SYNPR: variants seen among roughly 807,000 people sequenced by gnomAD.
SYNPR encodes synaptoporin.
SYNPR carries 23 observed loss-of-function variants against 32.9 expected under a neutral mutation model. That is an observed-to-expected ratio of 0.70 (90% confidence interval 0.50 to 0.99). The LOEUF is 0.99. Ranked by LOEUF, SYNPR falls within the 50% of genes least tolerant of loss-of-function variation. The probability of loss-of-function intolerance (pLI) is 0.00; values close to 1 mark genes in which losing one functional copy is unlikely to be tolerated. For synonymous variants in SYNPR, 146 were observed against 135.9 expected, an observed-to-expected ratio of 1.07 and a Z score of -0.52; for missense variants, 318 against 349.3, an observed-to-expected ratio of 0.91 and a Z score of 0.71.
chr3:63,353,669 GT>G (rs1303008186), intron 2 of SYNPR, among the ~76,000 whole-genome samples: 1 of 152,138 alleles, frequency 6.6e-6, no homozygotes, highest in Non-Finnish European at 1.5e-5. Context: ...TAAGCAAACT[GT>G]CCCCTCCACT....
At chr3:63,269,420 C>G (rs1485485552) in intron 3 of SYNPR, among the ~76,000 whole-genome samples, 1 of 151,496 alleles carries the variant, frequency 6.6e-6, no homozygotes, top group Non-Finnish European at 1.5e-5. Flanking sequence ...ACCCAGGAGG[C>G]AGAGGTTTCA....
intron 2 of SYNPR, among the ~76,000 whole-genome samples, chr3:63,265,419 T>G (rs9882174): frequency 0.016 from 2,407 of 152,020 alleles, 55 homozygotes; most frequent in African/African-American, 0.054. Context: ...GCCTAGCTAA[T>G]TTTTGTATTT....
chr3:63,538,755 A>G (rs1317634693), intron 3 of SYNPR, among the ~76,000 whole-genome samples: 5 of 152,242 alleles, frequency 3.3e-5, no homozygotes, highest in South Asian at 2.1e-4. Context: ...CAACCAACCC[A>G]TAAGCATAAG....
At chr3:63,595,768 T>TAA (rs56385024) in intron 4 of SYNPR, among the ~76,000 whole-genome samples, 1 of 37,434 alleles carries the variant, frequency 2.7e-5, no homozygotes. Flanking sequence ...TATATATATA[T>TAA]AATTTTATAT....
intron 2 of SYNPR, among the ~76,000 whole-genome samples, chr3:63,475,389 G>T (rs1474067250): frequency 1.3e-5 from 2 of 152,162 alleles, no homozygotes; most frequent in African/African-American, 4.8e-5. Context: ...GGAGGGTGAG[G>T]TGTCTGCTTT....
At chr3:63,338,460 T>C (rs1252975957) in intron 2 of SYNPR, among the ~76,000 whole-genome samples, 1 of 152,178 alleles carries the variant, frequency 6.6e-6, no homozygotes, top group Non-Finnish European at 1.5e-5. Flanking sequence ...TTGGTAGCAA[T>C]AGAGTTAAGT....
At chr3:63,515,123 C>A (rs1011926689) in intron 3 of SYNPR, among the ~76,000 whole-genome samples, 1 of 152,102 alleles carries the variant, frequency 6.6e-6, no homozygotes, top group Non-Finnish European at 1.5e-5. Context: ...CAGCAGCTTC[C>A]CTTTCTGCAT....
chr3:63,208,905 C>G, the SYNPR span, among the ~76,000 whole-genome samples: 1 of 152,138 alleles, frequency 6.6e-6, no homozygotes, highest in Non-Finnish European at 1.5e-5. Flanking sequence ...CAATGTACTA[C>G]TTCCCTCAAA....
intron 2 of SYNPR, among the ~76,000 whole-genome samples, chr3:63,370,875 T>C (rs1245897306): frequency 6.6e-6 from 1 of 152,178 alleles, no homozygotes; most frequent in Non-Finnish European, 1.5e-5. Flanking sequence ...AGTGGATTCA[T>C]AAACCCAGAA....
At chr3:63,437,748 C>T (rs539188574) in intron 2 of SYNPR, among the ~76,000 whole-genome samples, 1 of 152,220 alleles carries the variant, frequency 6.6e-6, no homozygotes, top group East Asian at 1.9e-4. Flanking sequence ...CTGTGGCCTT[C>T]GCTAGAGGAA....
At chr3:63,516,881 A>T (rs1439812535) in intron 3 of SYNPR, among the ~76,000 whole-genome samples, 1 of 152,084 alleles carries the variant, frequency 6.6e-6, no homozygotes, top group Non-Finnish European at 1.5e-5. Context: ...AGAATCCTTG[A>T]TGTATTATTA....
chr3:63,425,560 C>T (rs1699877619), intron 2 of SYNPR, among the ~76,000 whole-genome samples: 2 of 152,076 alleles, frequency 1.3e-5, no homozygotes, highest in South Asian at 4.1e-4. Flanking sequence ...ATTATAAGCA[C>T]ACTTCCAAGC....
At chr3:63,416,205 A>T (rs574024963) in intron 2 of SYNPR, among the ~76,000 whole-genome samples, 1 of 152,196 alleles carries the variant, frequency 6.6e-6, no homozygotes, top group Non-Finnish European at 1.5e-5. Flanking sequence ...ACGTGCAGTC[A>T]CATGTAAACA....
At chr3:63,372,840 T>C (rs1285770285) in intron 2 of SYNPR, among the ~76,000 whole-genome samples, 3 of 152,098 alleles carry the variant, frequency 2.0e-5, no homozygotes, top group East Asian at 3.9e-4. Context: ...GAGCCCACAC[T>C]CTCAGAGCAC....
At chr3:63,593,624 T>C (rs928803277) in intron 4 of SYNPR, among the ~76,000 whole-genome samples, 1 of 152,292 alleles carries the variant, frequency 6.6e-6, no homozygotes, top group Non-Finnish European at 1.5e-5. Context: ...ATGTCAATCA[T>C]AATGAAATTT....
chr3:63,220,870 C>T, the SYNPR span, among the ~76,000 whole-genome samples: 1 of 152,200 alleles, frequency 6.6e-6, no homozygotes, highest in Admixed American at 6.5e-5. Context: ...CCTTCAACTG[C>T]TTCTTCTGTC....
At chr3:63,222,295 A>T in the SYNPR span, among the ~76,000 whole-genome samples, 1 of 152,202 alleles carries the variant, frequency 6.6e-6, no homozygotes, top group East Asian at 1.9e-4. Context: ...GAATAGAATC[A>T]TATGAAAATT....
chr3:63,539,337 T>C (rs182675545), intron 3 of SYNPR, among the ~76,000 whole-genome samples: 15 of 152,118 alleles, frequency 9.9e-5, no homozygotes, highest in African/African-American at 3.6e-4. Flanking sequence ...ATTCCTGGGC[T>C]CGAGTTTCTA....
the SYNPR span, among the ~76,000 whole-genome samples, chr3:63,219,306 G>T: frequency 1.3e-5 from 2 of 152,184 alleles, no homozygotes; most frequent in Non-Finnish European, 2.9e-5. Context: ...GAAACGGAAA[G>T]TTGGCCAGTG....
Sources: allele counts gnomAD v4.1 joint callset (sites outside exome capture counted in the v4.1 genomes callset), GRCh38; gene constraint gnomAD v4.1.1; transcripts MANE v1.5; gene names NCBI Gene and HGNC (gene_info 2026-07-23, HGNC 2026-07-21).